AP4S1: variants seen among roughly 807,000 people sequenced by gnomAD.
The protein encoded by AP4S1 is AP-4 complex subunit sigma-1.
AP4S1 carries 23 observed loss-of-function variants against 19.8 expected under a neutral mutation model. The ratio of observed to expected loss-of-function variants is 1.16; its 90% confidence interval spans 0.84 to 1.65. The LOEUF is 1.65. Among genes scored for constraint, AP4S1 ranks in the 40% most tolerant of loss-of-function variants. The pLI, the probability that AP4S1 is intolerant of heterozygous loss-of-function variation, is 0.00. For missense variants in AP4S1, 166 were observed against 172.8 expected (o/e 0.96, Z 0.22); for synonymous variants, 46 against 54.1 (o/e 0.85, Z 0.66).
At chr14:31,064,340 C>T (rs1886601570) in intron 1 of AP4S1, among the ~76,000 whole-genome samples, 1 of 152,048 alleles carries the variant, frequency 6.6e-6, no homozygotes, top group African/African-American at 2.4e-5. Flanking sequence ...CCTCCACCTC[C>T]CGGGCTCAAG....
At chr14:31,043,063 A>G (rs1036695430) in intron 1 of AP4S1, among the ~76,000 whole-genome samples, 1 of 152,094 alleles carries the variant, frequency 6.6e-6, no homozygotes, top group Non-Finnish European at 1.5e-5. Context: ...TCTACTAAAA[A>G]TGCAAAAATT....
At chr14:31,085,759 G>A (rs1400372719) in intron 5 of AP4S1, 12 of 937,258 alleles carry the variant, frequency 1.3e-5, no homozygotes, top group Non-Finnish European at 1.4e-5. Context: ...GCAACAGAGC[G>A]AGACCTTGTC....
At chr14:31,037,564 G>A (rs768218153) in intron 1 of AP4S1, among the ~76,000 whole-genome samples, 17 of 152,070 alleles carry the variant, frequency 1.1e-4, no homozygotes, top group Non-Finnish European at 4.4e-5. Context: ...TTTTTTACTA[G>A]TCCAAAGATT....
chr14:31,073,200 AC>A, intron 4 of AP4S1: 1 of 488,854 alleles, frequency 2.0e-6, no homozygotes, highest in Middle Eastern at 6.0e-4. Flanking sequence ...AAAAAAAAAA[AC>A]CTCTTATAGC....
chr14:31,046,883 GATA>G (rs941724236), intron 1 of AP4S1, among the ~76,000 whole-genome samples: 28 of 151,912 alleles, frequency 1.8e-4, no homozygotes, highest in African/African-American at 6.7e-4. Context: ...AGAATTGCTG[GATA>G]ATATGGTAAA....
intron 1 of AP4S1, among the ~76,000 whole-genome samples, chr14:31,035,120 A>G (rs1456724305): frequency 6.6e-6 from 1 of 151,158 alleles, no homozygotes; most frequent in African/African-American, 2.4e-5. Context: ...TCTTTAACAG[A>G]TTAGGAGTTT....
intron 3 of AP4S1, among the ~76,000 whole-genome samples, chr14:31,072,381 TG>T (rs1887060096): frequency 6.6e-6 from 1 of 151,930 alleles, no homozygotes; most frequent in Non-Finnish European, 1.5e-5. Context: ...ATGGCCTTTT[TG>T]TTTTTTAAGA....
At chr14:31,049,599 T>C (rs919915036) in intron 1 of AP4S1, among the ~76,000 whole-genome samples, 6 of 151,394 alleles carry the variant, frequency 4.0e-5, no homozygotes, top group Non-Finnish European at 5.9e-5. Flanking sequence ...TGTAGACTTA[T>C]ATACTCAGAC....
intron 1 of AP4S1, among the ~76,000 whole-genome samples, chr14:31,036,103 A>C (rs1884756213): frequency 6.6e-6 from 1 of 151,756 alleles, no homozygotes; most frequent in Non-Finnish European, 1.5e-5. Context: ...TTAATATATT[A>C]TTTCCTCCTC....
At chr14:31,075,501 C>G (rs1887305413) in intron 4 of AP4S1, among the ~76,000 whole-genome samples, 1 of 152,154 alleles carries the variant, frequency 6.6e-6, no homozygotes, top group Non-Finnish European at 1.5e-5. Flanking sequence ...GGACTGCAGA[C>G]ATCTCTTAAT....
intron 1 of AP4S1, among the ~76,000 whole-genome samples, chr14:31,060,211 A>C (rs907972166): frequency 2.8e-4 from 42 of 151,850 alleles, no homozygotes; most frequent in Non-Finnish European, 3.2e-4. Context: ...TTTCCCACCA[A>C]ACACAGATGG....
At position 31,081,898 on chromosome 14, in the gene AP4S1, T is replaced by C. The variant is rs377282424; in HGVS notation, c.306+1314T>C. 7.9e-5 allele frequency among the ~76,000 whole-genome samples: 12 copies of C among 151,958 alleles called. No individual in the cohort carries two copies. In the East Asian group the frequency reaches 1.4e-3, roughly 17 times the overall value. ...ATTTTGTAGAGATGGGGTTTCGCCA[T>C]GTTAGCCAGGTTGGTTTTGAACTCC... On this transcript the variant is annotated intron_variant, in intron 5 of 5. Coordinates refer to ENST00000542754, the MANE Select transcript of AP4S1 (RefSeq NM_001128126.3).
intron 1 of AP4S1, chr14:31,026,111 C>T (rs1303006606): frequency 2.6e-6 from 4 of 1,515,824 alleles, no homozygotes; most frequent in Non-Finnish European, 3.5e-6. Flanking sequence ...CCAGGTTCCC[C>T]CCAGGTCCCT....
At chr14:31,045,392 G>A (rs34671063) in intron 1 of AP4S1, among the ~76,000 whole-genome samples, 39,120 of 151,890 alleles carry the variant, frequency 0.26, 5,256 homozygotes, top group South Asian at 0.33. Flanking sequence ...TGAATCATGG[G>A]GGCAGTTTCC....
chr14:31,045,063 G>A (rs929746819), intron 1 of AP4S1, among the ~76,000 whole-genome samples: 1 of 151,694 alleles, frequency 6.6e-6, no homozygotes, highest in Admixed American at 6.6e-5. Context: ...CACTACACCC[G>A]GCTAATTTTT....
intron 1 of AP4S1, among the ~76,000 whole-genome samples, chr14:31,029,816 C>A (rs1594618512): frequency 6.6e-6 from 1 of 151,456 alleles, no homozygotes; most frequent in African/African-American, 2.4e-5. Flanking sequence ...CAGAGCAAAA[C>A]CCTGTCTTAA....
At chr14:31,058,527 ATGTGTGTGTGTGTGTG>A (rs140119208) in intron 1 of AP4S1, among the ~76,000 whole-genome samples, 57 of 136,670 alleles carry the variant, frequency 4.2e-4, no homozygotes, top group African/African-American at 1.0e-3. Context: ...CTGTGTGTGT[ATGTGTGTGTGTGTGTG>A]TGTGTGTGTG....
chr14:31,026,269 C>T (rs1429549612), intron 1 of AP4S1: 7 of 1,306,356 alleles, frequency 5.4e-6, no homozygotes, highest in South Asian at 2.0e-5. Context: ...GCGCTGGCTG[C>T]GGGGCGGAGG....
chr14:31,045,173 A>G (rs1885324086), intron 1 of AP4S1, among the ~76,000 whole-genome samples: 1 of 152,194 alleles, frequency 6.6e-6, no homozygotes, highest in African/African-American at 2.4e-5. Flanking sequence ...AAGCGCTGGG[A>G]TTGCAGGCGT....
Sources: gnomAD v4.1 joint callset for allele counts (sites outside exome capture counted in the v4.1 genomes callset) on GRCh38, gnomAD v4.1.1 for gene constraint, MANE v1.5 for transcripts, NCBI Gene and HGNC (gene_info 2026-07-23, HGNC 2026-07-21) for gene names.